The following SUPT3H variants were observed in gnomAD, a reference collection of about 807,000 sequenced individuals.
The protein encoded by SUPT3H is transcription initiation protein SPT3 homolog.
A neutral mutation model predicts 44.3 loss-of-function variants in SUPT3H; 44 were observed. The observed-to-expected ratio is 0.99, with a 90% confidence interval of 0.78 to 1.28. The LOEUF is 1.28. Ranked by LOEUF, SUPT3H falls within the 50% of genes most tolerant of loss-of-function variation. The pLI is 0.00. For synonymous variants in SUPT3H, 124 were observed against 125.6 expected (o/e 0.99, Z 0.09); for missense variants, 380 against 387.1 (o/e 0.98, Z 0.15).
At position 45,276,865 on chromosome 6, in the gene SUPT3H, T is replaced by C. The variant is rs182099968; in HGVS notation, c.101+88336A>G. 1.8e-3 allele frequency among the ~76,000 whole-genome samples: 267 copies of C among 152,292 alleles called. 2 individuals are homozygous for C. Among genetic ancestry groups the C allele is most frequent in the Admixed American group, 4.3e-3 (65 of 15,288 alleles). On this transcript the variant is annotated intron_variant, in intron 2 of 10. Transcript: ENST00000371459. ...AGAGACTTTGAACTGCTTTGTGATA[T>C]TGCATTACTGTAGCAATAGATAACT...
intron 10 of SUPT3H, among the ~76,000 whole-genome samples, chr6:44,834,441 C>T (rs577076120): frequency 1.3e-5 from 2 of 152,202 alleles, no homozygotes; most frequent in African/African-American, 4.8e-5. Flanking sequence ...TGCTGAGATG[C>T]CACTGTTAGG....
chr6:45,185,206 T>C (rs924914042), intron 2 of SUPT3H, among the ~76,000 whole-genome samples: 1 of 152,076 alleles, frequency 6.6e-6, no homozygotes, highest in Admixed American at 6.5e-5. Flanking sequence ...AAGGAGACTT[T>C]ATTAAGAAGG....
intron 10 of SUPT3H, among the ~76,000 whole-genome samples, chr6:44,894,724 T>C (rs1763849060): frequency 6.6e-6 from 1 of 151,932 alleles, no homozygotes; most frequent in Non-Finnish European, 1.5e-5. Context: ...TTATTTATAG[T>C]CTAATTTAGC....
At chr6:45,141,986 G>C (rs1254693999) in intron 2 of SUPT3H, among the ~76,000 whole-genome samples, 1 of 152,192 alleles carries the variant, frequency 6.6e-6, no homozygotes, top group Non-Finnish European at 1.5e-5. Context: ...CTTAAGATCT[G>C]TGAGACAAAA....
intron 1 of SUPT3H, among the ~76,000 whole-genome samples, chr6:45,370,675 A>G (rs1473238940): frequency 1.3e-5 from 2 of 152,320 alleles, no homozygotes; most frequent in Non-Finnish European, 2.9e-5. Flanking sequence ...TCTGAATTGA[A>G]AATATCAAAA....
At chr6:45,241,034 C>A (rs927267961) in intron 2 of SUPT3H, among the ~76,000 whole-genome samples, 8 of 152,152 alleles carry the variant, frequency 5.3e-5, no homozygotes, top group African/African-American at 1.9e-4. Context: ...AGGATAAAAA[C>A]ACTTGGAAGC....
intron 2 of SUPT3H, among the ~76,000 whole-genome samples, chr6:45,210,428 T>A (rs1763906529): frequency 6.6e-6 from 1 of 152,148 alleles, no homozygotes; most frequent in African/African-American, 2.4e-5. Context: ...CTCTCACATA[T>A]AAATTGTGTC....
chr6:45,177,233 T>C (rs966116012), intron 2 of SUPT3H, among the ~76,000 whole-genome samples: 2 of 152,212 alleles, frequency 1.3e-5, no homozygotes, highest in Non-Finnish European at 1.5e-5. Flanking sequence ...AAGGAGCTGA[T>C]GGAGCTGAAA....
intron 3 of SUPT3H, chr6:45,099,124 C>G: frequency 2.9e-6 from 1 of 343,662 alleles, no homozygotes; most frequent in South Asian, 2.4e-5. Context: ...CTTCCACACC[C>G]CCAACCCCAG....
At chr6:45,256,399 G>A (rs998732049) in intron 2 of SUPT3H, among the ~76,000 whole-genome samples, 1 of 152,136 alleles carries the variant, frequency 6.6e-6, no homozygotes, top group Non-Finnish European at 1.5e-5. Flanking sequence ...CTCACATGGA[G>A]GAAGGGGTAA....
chr6:45,340,643 GA>G (rs776564679), intron 2 of SUPT3H, among the ~76,000 whole-genome samples: 3 of 149,562 alleles, frequency 2.0e-5, no homozygotes, highest in Non-Finnish European at 3.0e-5. Context: ...AGTTTGATCA[GA>G]AAAAAAAAGT....
chr6:44,975,328 C>T (rs183545971), intron 6 of SUPT3H, among the ~76,000 whole-genome samples: 1 of 152,166 alleles, frequency 6.6e-6, no homozygotes, highest in African/African-American at 2.4e-5. Context: ...CTAAGTTGGG[C>T]CTAAATGCCC....
rs1584458218 is a variant in SUPT3H, at chr6:45,242,713, C to T, written c.101+122488G>A. 3.3e-5 allele frequency among the ~76,000 whole-genome samples: 5 copies of T among 152,100 alleles called. No homozygotes were observed. In the South Asian group the frequency reaches 1.0e-3, roughly 31 times the overall value. On this transcript the variant is annotated intron_variant, in intron 2 of 10. Transcript: ENST00000371459. Reference sequence around the variant, plus strand: ...TTAAATTGCCTGGAAAAACAAAATTCACCATTCTTGAAGGAAGATAACAAA... The same window carrying T: ...TTAAATTGCCTGGAAAAACAAAATTTACCATTCTTGAAGGAAGATAACAAA...
intron 10 of SUPT3H, among the ~76,000 whole-genome samples, chr6:44,835,113 T>TA (rs1163969963): frequency 6.6e-6 from 1 of 152,118 alleles, no homozygotes; most frequent in African/African-American, 2.4e-5. Flanking sequence ...GTGGCAAATG[T>TA]ATGCATCTTT....
chr6:44,814,571 A>G (rs1292339401), intron 11 of SUPT3H, among the ~76,000 whole-genome samples: 1 of 152,316 alleles, frequency 6.6e-6, no homozygotes, highest in East Asian at 1.9e-4. Flanking sequence ...AAGTCTTAAT[A>G]AACTCATCTA....
intron 3 of SUPT3H, among the ~76,000 whole-genome samples, chr6:45,070,615 C>T (rs116944860): frequency 0.011 from 1,728 of 151,890 alleles, 72 homozygotes; most frequent in East Asian, 0.086. Context: ...GCAGCACGCG[C>T]CTGTAATCCC....
chr6:45,203,082 T>G (rs1047084558), intron 2 of SUPT3H, among the ~76,000 whole-genome samples: 1 of 152,020 alleles, frequency 6.6e-6, no homozygotes, highest in Non-Finnish European at 1.5e-5. Context: ...TGCACCACAG[T>G]TTGGAGGAAG....
chr6:45,218,727 T>TC (rs1375473591), intron 2 of SUPT3H, among the ~76,000 whole-genome samples: 6 of 151,934 alleles, frequency 3.9e-5, no homozygotes, highest in African/African-American at 1.5e-4. Context: ...GGAGCAAAAC[T>TC]CCGTCTCAAA....
chr6:44,956,282 A>C (rs1462266427), intron 7 of SUPT3H, among the ~76,000 whole-genome samples: 1 of 151,856 alleles, frequency 6.6e-6, no homozygotes, highest in Non-Finnish European at 1.5e-5. Flanking sequence ...CAAGAGATGG[A>C]GACCATCCTG....
Sources: gnomAD v4.1 joint callset for allele counts (sites outside exome capture counted in the v4.1 genomes callset) on GRCh38, gnomAD v4.1.1 for gene constraint, MANE v1.5 for transcripts, NCBI Gene and HGNC (gene_info 2026-07-23, HGNC 2026-07-21) for gene names.